The following WDPCP variants were observed in gnomAD, a reference collection of about 807,000 sequenced individuals.
The protein encoded by WDPCP is WD repeat containing planar cell polarity effector.
WDPCP carries 71 observed loss-of-function variants against 93.1 expected under a neutral mutation model. That is an observed-to-expected ratio of 0.76 (90% CI 0.63 to 0.93). The LOEUF is 0.93. Ranked by LOEUF, WDPCP falls within the 40% of genes least tolerant of loss-of-function variation. The pLI is 0.00. For synonymous variants in WDPCP, 315 were observed against 315.0 expected (o/e 1.00, Z 0.00); for missense variants, 844 against 887.4 (o/e 0.95, Z 0.62).
At chr2:63,547,231 T>A (rs115034532) in intron 1 of WDPCP, among the ~76,000 whole-genome samples, 1,754 of 151,746 alleles carry the variant, frequency 0.012, 40 homozygotes, top group African/African-American at 0.041. Context: ...ATGGCTATTA[T>A]CAAGAAGACC....
intron 2 of WDPCP, among the ~76,000 whole-genome samples, chr2:63,683,234 T>C (rs1668746488): frequency 6.6e-6 from 1 of 152,126 alleles, no homozygotes; most frequent in Non-Finnish European, 1.5e-5. Flanking sequence ...CAGAAGCAAG[T>C]CCTTACTTAT....
intron 2 of WDPCP, chr2:63,718,035 AC>A (rs1341305143): frequency 6.5e-6 from 1 of 152,724 alleles, no homozygotes; most frequent in Non-Finnish European, 1.5e-5. Flanking sequence ...CACTGAAAAT[AC>A]ATTTGAGGTA....
At position 63,492,899 on chromosome 2, in the gene WDPCP, A is replaced by C; in HGVS notation, c.117T>G (p.Thr39=). The part of the protein sequence containing the change: ...SFCHQMSFCL[T]ELHLWSLKNT... ...TCTTCAAAGACCACAGGTGCAGTTC[A>C]GTCAAGCAGAAAGACATCTGATGGC... Residue 39 remains threonine, a synonymous_variant, in exon 2 of 18, where the codon ACT becomes ACG. Transcript: ENST00000272321. 2 of 1,613,678 alleles carry C rather than the reference A, an allele frequency of 1.2e-6. No individual in the cohort carries two copies. Among genetic ancestry groups the C allele is most frequent in the Non-Finnish European group, 1.7e-6 (2 of 1,179,896 alleles).
At chr2:63,649,155 C>A (rs750929020) in intron 3 of WDPCP, among the ~76,000 whole-genome samples, 3 of 152,114 alleles carry the variant, frequency 2.0e-5, no homozygotes, top group Non-Finnish European at 4.4e-5. Flanking sequence ...AGAAAGAAAC[C>A]CCATACCTAT....
intron 14 of WDPCP, among the ~76,000 whole-genome samples, chr2:63,254,860 A>G (rs1362743781): frequency 6.6e-6 from 1 of 152,190 alleles, no homozygotes; most frequent in Non-Finnish European, 1.5e-5. Flanking sequence ...TGAGTCTGTA[A>G]GTCTGATCCC....
intron 14 of WDPCP, among the ~76,000 whole-genome samples, chr2:63,204,642 T>C (rs1375084191): frequency 6.6e-6 from 1 of 152,196 alleles, no homozygotes; most frequent in Non-Finnish European, 1.5e-5. Context: ...GCGCCTGGCC[T>C]GTACTTTTGA....
intron 14 of WDPCP, among the ~76,000 whole-genome samples, chr2:63,237,930 CA>C (rs1179017035): frequency 1.3e-5 from 2 of 150,402 alleles, no homozygotes; most frequent in African/African-American, 4.9e-5. Context: ...CAGCATTAGG[CA>C]ATATACCCTT....
chr2:63,683,539 T>C (rs1444139385), intron 2 of WDPCP, among the ~76,000 whole-genome samples: 1 of 152,122 alleles, frequency 6.6e-6, no homozygotes, highest in Non-Finnish European at 1.5e-5. Context: ...ACAAAGTAGA[T>C]TTCAAGACAA....
intron 2 of WDPCP, among the ~76,000 whole-genome samples, chr2:63,683,778 G>C (rs1668766168): frequency 6.6e-6 from 1 of 152,108 alleles, no homozygotes; most frequent in African/African-American, 2.4e-5. Flanking sequence ...GAACCCAGGA[G>C]GCGGAGGTTG....
At chr2:63,730,179 T>C (rs1669541039) in intron 2 of WDPCP, among the ~76,000 whole-genome samples, 1 of 152,076 alleles carries the variant, frequency 6.6e-6, no homozygotes, top group Non-Finnish European at 1.5e-5. Flanking sequence ...ACAAGGACCT[T>C]AGGAAGTAGG....
chr2:63,216,606 G>A (rs1049690287), intron 14 of WDPCP, among the ~76,000 whole-genome samples: 2 of 151,940 alleles, frequency 1.3e-5, no homozygotes, highest in East Asian at 3.9e-4. Context: ...CATACCTAAT[G>A]TAAATGATGA....
chr2:63,794,111 A>T (rs1444541383), intron 2 of WDPCP, among the ~76,000 whole-genome samples: 1 of 152,208 alleles, frequency 6.6e-6, no homozygotes, highest in African/African-American at 2.4e-5. Context: ...ATGCAAAAAA[A>T]GACATATTCC....
Position 63,575,469 on chromosome 2 carries a change from A to ACTGTATATACAGTATATATACT in WDPCP, c.75+12727_75+12728insAGTATATATACTGTATATACAG, listed in dbSNP as rs760952950. On this transcript the variant is annotated intron_variant, in intron 1 of 17. Coordinates refer to ENST00000272321, the MANE Select transcript of WDPCP (RefSeq NM_015910.7). Reference sequence around the variant, plus strand: ...TACACTGTATATACAGTATATATGCAGTATATACAGTGTATATATAGTATA... The same window carrying ACTGTATATACAGTATATATACT: ...TACACTGTATATACAGTATATATGCACTGTATATACAGTATATATACTGTATATACAGTGTATATATAGTATA... Among the ~76,000 whole-genome samples, 13 of 16,310 alleles carry ACTGTATATACAGTATATATACT rather than the reference A, an allele frequency of 8.0e-4. 3 individuals are homozygous for ACTGTATATACAGTATATATACT. Among genetic ancestry groups the ACTGTATATACAGTATATATACT allele is most frequent in the South Asian group, 3.5e-3 (1 of 288 alleles). The allele number at this position is 16,310 out of a possible 152,430, so 10.7% of individuals were successfully genotyped here. A position where few individuals can be genotyped will look rare whatever the true frequency, so the allele number is the denominator to read the frequency against.
At chr2:63,520,918 AT>A (rs1191824228) in intron 1 of WDPCP, among the ~76,000 whole-genome samples, 3 of 138,384 alleles carry the variant, frequency 2.2e-5, no homozygotes, top group Non-Finnish European at 3.1e-5. Flanking sequence ...AAAAAAAAAG[AT>A]TTTTCAACCA....
At chr2:63,766,645 A>G (rs1258588428) in intron 2 of WDPCP, among the ~76,000 whole-genome samples, 2 of 152,136 alleles carry the variant, frequency 1.3e-5, no homozygotes, top group African/African-American at 4.8e-5. Flanking sequence ...AAGTCTCACT[A>G]TGAAAAATTT....
At chr2:63,216,159 A>G (rs1677317775) in intron 14 of WDPCP, among the ~76,000 whole-genome samples, 1 of 152,204 alleles carries the variant, frequency 6.6e-6, no homozygotes, top group East Asian at 1.9e-4. Context: ...CAATTCCTCA[A>G]GGATCTAGAA....
At chr2:63,437,277 A>G in intron 8 of WDPCP, 144 bp downstream of exon 8, 1 of 705,190 alleles carries the variant, frequency 1.4e-6, no homozygotes, top group Non-Finnish European at 2.2e-6. Flanking sequence ...CACTGTTTAC[A>G]GTTAATTAAG....
intron 14 of WDPCP, among the ~76,000 whole-genome samples, chr2:63,193,361 C>T (rs1367120251): frequency 2.0e-5 from 3 of 152,122 alleles, no homozygotes; most frequent in Admixed American, 6.5e-5. Flanking sequence ...GAATTACAGC[C>T]AAGTTTCTTA....
chr2:63,126,671 T>G (rs1310986875), intron 17 of WDPCP, among the ~76,000 whole-genome samples: 2 of 147,522 alleles, frequency 1.4e-5, no homozygotes, highest in South Asian at 2.2e-4. Context: ...TTTGTGTTTT[T>G]TTTTTTTTTT....
Sources: allele counts gnomAD v4.1 joint callset (sites outside exome capture counted in the v4.1 genomes callset), GRCh38; gene constraint gnomAD v4.1.1; transcripts MANE v1.5; gene names NCBI Gene and HGNC (gene_info 2026-07-23, HGNC 2026-07-21).